The following SDK1 variants were observed in gnomAD, a reference collection of about 807,000 sequenced individuals.
SDK1 encodes sidekick cell adhesion molecule 1.
In SDK1, 157 loss-of-function variants were observed where a neutral mutation model predicts 245.5. That is an observed-to-expected ratio of 0.64 (90% CI 0.56 to 0.73). SDK1 has a LOEUF of 0.73. SDK1 is among the 30% of genes least tolerant of loss of function. The probability of loss-of-function intolerance (pLI) is 0.00; values close to 1 mark genes in which losing one functional copy is unlikely to be tolerated. For missense variants in SDK1, 3,583 were observed against 3,002.3 expected, an observed-to-expected ratio of 1.19 and a Z score of -4.52; for synonymous variants, 1,647 against 1,278.5, an observed-to-expected ratio of 1.29 and a Z score of -6.15.
chr7:4,191,162 C>T (rs921406134), intron 35 of SDK1, among the ~76,000 whole-genome samples: 3 of 152,274 alleles, frequency 2.0e-5, no homozygotes, highest in Middle Eastern at 3.4e-3. Context: ...GCCAACCCCG[C>T]GGCGGTCACA....
intron 17 of SDK1, among the ~76,000 whole-genome samples, chr7:4,039,586 G>A (rs1015552091): frequency 2.0e-5 from 3 of 152,066 alleles, no homozygotes; most frequent in African/African-American, 7.2e-5. Context: ...TATTTGATTG[G>A]ACAATTAAAG....
At chr7:3,660,407 CATAA>C (rs1166306028) in intron 4 of SDK1, among the ~76,000 whole-genome samples, 1 of 151,546 alleles carries the variant, frequency 6.6e-6, no homozygotes, top group Non-Finnish European at 1.5e-5. Context: ...CAAGCAAACA[CATAA>C]ATAAAGTAAG....
chr7:3,813,199 G>A (rs957663137), intron 4 of SDK1, among the ~76,000 whole-genome samples: 51 of 148,576 alleles, frequency 3.4e-4, no homozygotes, highest in Non-Finnish European at 6.1e-4. Flanking sequence ...CCATGCTGGT[G>A]CGCTGCACCC....
At chr7:3,638,971 T>C in intron 2 of SDK1, 33 bp from the exon 3 acceptor site, 1 of 1,352,542 alleles carries the variant, frequency 7.4e-7, no homozygotes, top group Non-Finnish European at 1.0e-6. Flanking sequence ...ACACTGGATA[T>C]AAGCATTAAC....
At chr7:4,090,857 C>A in intron 22 of SDK1, among the ~76,000 whole-genome samples, 1 of 151,810 alleles carries the variant, frequency 6.6e-6, no homozygotes, top group Non-Finnish European at 1.5e-5. Context: ...ACACTATCAC[C>A]TCCAAATACA....
At chr7:3,959,874 A>G (rs983571814) in intron 8 of SDK1, among the ~76,000 whole-genome samples, 5 of 151,772 alleles carry the variant, frequency 3.3e-5, no homozygotes, top group Non-Finnish European at 5.9e-5. Flanking sequence ...CCATGCTTCA[A>G]TTACAAGCTG....
At chr7:3,703,608 C>T (rs1326323434) in intron 4 of SDK1, among the ~76,000 whole-genome samples, 1 of 152,080 alleles carries the variant, frequency 6.6e-6, no homozygotes, top group Non-Finnish European at 1.5e-5. Flanking sequence ...ATTTCAATTT[C>T]CTGATTTTTC....
intron 12 of SDK1, among the ~76,000 whole-genome samples, chr7:3,972,226 C>T (rs1185962859): frequency 6.6e-6 from 1 of 151,976 alleles, no homozygotes; most frequent in African/African-American, 2.4e-5. Flanking sequence ...ACTACAAGTG[C>T]CTGCCACCAC....
chr7:3,941,733 C>T (rs966479867), intron 5 of SDK1, among the ~76,000 whole-genome samples: 1 of 152,160 alleles, frequency 6.6e-6, no homozygotes, highest in Non-Finnish European at 1.5e-5. Flanking sequence ...TGCCATCCTC[C>T]ACCAAACTCG....
chr7:3,715,880 C>T (rs1026327277), intron 4 of SDK1, among the ~76,000 whole-genome samples: 6 of 152,020 alleles, frequency 3.9e-5, no homozygotes, highest in African/African-American at 7.2e-5. Context: ...CATAAAAGGG[C>T]GTCAGCAGCA....
intron 4 of SDK1, among the ~76,000 whole-genome samples, chr7:3,686,327 T>C (rs1014058200): frequency 5.9e-5 from 9 of 152,194 alleles, no homozygotes; most frequent in African/African-American, 2.2e-4. Flanking sequence ...CCACCTGCCT[T>C]GGCCTGCCAA....
intron 1 of SDK1, among the ~76,000 whole-genome samples, chr7:3,442,201 T>A (rs1780215446): frequency 6.6e-6 from 1 of 152,190 alleles, no homozygotes; most frequent in Non-Finnish European, 1.5e-5. Context: ...AGGAAAGAGA[T>A]CAGGGTGCCA....
At chr7:3,710,073 C>T (rs1785001933) in intron 4 of SDK1, among the ~76,000 whole-genome samples, 2 of 152,298 alleles carry the variant, frequency 1.3e-5, no homozygotes, top group South Asian at 4.1e-4. Context: ...TGTAAACATT[C>T]CTAATTAAAC....
chr7:3,679,870 G>A (rs931524826), intron 4 of SDK1, among the ~76,000 whole-genome samples: 4 of 152,116 alleles, frequency 2.6e-5, no homozygotes, highest in Admixed American at 6.5e-5. Context: ...CAAAACATAC[G>A]CTTACCATAT....
chr7:4,231,627 A>AGAGG (rs751653888), intron 40 of SDK1, among the ~76,000 whole-genome samples: 5 of 142,750 alleles, frequency 3.5e-5, no homozygotes, highest in Non-Finnish European at 4.6e-5. Flanking sequence ...AAGCAATCAG[A>AGAGG]GAGGGAGGGA....
chr7:4,032,335 A>G (rs1202616236), intron 17 of SDK1, among the ~76,000 whole-genome samples: 7 of 152,232 alleles, frequency 4.6e-5, no homozygotes, highest in African/African-American at 9.6e-5. Flanking sequence ...ATGTATTGAC[A>G]TTTATTTGAT....
At chr7:4,054,625 T>C (rs2342497) in intron 19 of SDK1, among the ~76,000 whole-genome samples, 37,212 of 152,094 alleles carry the variant, frequency 0.24, 6,749 homozygotes, top group African/African-American at 0.52. Flanking sequence ...TTTCCTTTTC[T>C]TGCATGATTT....
intron 42 of SDK1, among the ~76,000 whole-genome samples, chr7:4,241,478 A>G (rs1038433458): frequency 4.6e-5 from 7 of 152,190 alleles, no homozygotes; most frequent in East Asian, 1.9e-4. Context: ...CTACCAAAAC[A>G]AACAAACAAA....
intron 1 of SDK1, among the ~76,000 whole-genome samples, chr7:3,303,504 A>G (rs1320911443): frequency 2.0e-5 from 3 of 152,240 alleles, no homozygotes; most frequent in Non-Finnish European, 4.4e-5. Context: ...TGTGTAAAGC[A>G]TTGCATTTTA....
Sources: gnomAD v4.1 joint callset for allele counts (sites outside exome capture counted in the v4.1 genomes callset) on GRCh38, gnomAD v4.1.1 for gene constraint, MANE v1.5 for transcripts, NCBI Gene and HGNC (gene_info 2026-07-23, HGNC 2026-07-21) for gene names.